CUX1: variants seen among roughly 807,000 people sequenced by gnomAD.
CUX1 encodes cut like homeobox 1.
CUX1 carries 31 observed loss-of-function variants against 158.8 expected under a neutral mutation model. The observed-to-expected ratio is 0.20, with a 90% CI of 0.15 to 0.26. The LOEUF (loss-of-function observed/expected upper bound fraction) is 0.26. Among genes scored for constraint, CUX1 ranks in the 10% least tolerant of loss-of-function variants. The pLI, the probability that CUX1 is intolerant of heterozygous loss-of-function variation, is 1.00. For missense variants in CUX1, 1,589 were observed against 2,014.6 expected, an observed-to-expected ratio of 0.79 and a Z score of 4.04; for synonymous variants, 879 against 862.1, an observed-to-expected ratio of 1.02 and a Z score of -0.34.
chr7:102,151,004 A>G (rs1835587099), intron 8 of CUX1, among the ~76,000 whole-genome samples: 1 of 152,210 alleles, frequency 6.6e-6, no homozygotes. Flanking sequence ...ATTTTAGACC[A>G]ATGTCAGGCT....
chr7:101,893,077 A>T (rs188501456), intron 1 of CUX1, among the ~76,000 whole-genome samples: 63 of 151,134 alleles, frequency 4.2e-4, no homozygotes, highest in African/African-American at 1.4e-3. Flanking sequence ...ATATAATGAA[A>T]TGTTTGTTGA....
chr7:101,854,948 T>C (rs1796622322), intron 1 of CUX1, among the ~76,000 whole-genome samples: 1 of 152,210 alleles, frequency 6.6e-6, no homozygotes, highest in African/African-American at 2.4e-5. Flanking sequence ...TTCACCAGGC[T>C]GGTCTCAAAC....
At chr7:102,208,721 A>G (rs540366783) in intron 20 of CUX1, among the ~76,000 whole-genome samples, 1 of 152,264 alleles carries the variant, frequency 6.6e-6, no homozygotes, top group African/African-American at 2.4e-5. Flanking sequence ...CAGGATTCCG[A>G]TTCCCTGTTC....
chr7:102,151,692 C>CACT (rs1554503631), intron 8 of CUX1, among the ~76,000 whole-genome samples: 1 of 136,096 alleles, frequency 7.3e-6, no homozygotes, highest in Non-Finnish European at 1.5e-5. Flanking sequence ...TGTGCTACTG[C>CACT]ACTCCAGCCT....
At chr7:101,999,007 G>A (rs1458988500) in intron 2 of CUX1, among the ~76,000 whole-genome samples, 1 of 151,974 alleles carries the variant, frequency 6.6e-6, no homozygotes, top group Non-Finnish European at 1.5e-5. Flanking sequence ...AGCTTGCAGA[G>A]GACAGACAGG....
intron 2 of CUX1, among the ~76,000 whole-genome samples, chr7:101,984,785 A>T (rs34659481): frequency 6.6e-6 from 1 of 152,192 alleles, no homozygotes; most frequent in South Asian, 2.1e-4. Flanking sequence ...TTAAAAATAA[A>T]CCGCGCAAGA....
Position 102,248,691 on chromosome 7 carries a change from C to T in CUX1, c.4167C>T (p.Asp1389=). Residue 1389 remains aspartate, a synonymous_variant, in exon 24 of 24, where the codon GAC becomes GAT. Coordinates refer to ENST00000292535, the MANE Select transcript of CUX1 (RefSeq NM_181552.4). This position sits in a 1 kb window ranked among gnomAD's most constrained non-coding sequence, Gnocchi z 5.8. The part of the protein sequence containing the change: ...GTPGPDDARD[D]DHEGGPVEGP... ...CGGGCCCGGACGACGCCCGCGACGA[C>T]GACCACGAGGGAGGCCCCGTGGAAG... 2.4e-6 allele frequency: 3 copies of T among 1,273,628 alleles called. No homozygotes were observed. The highest frequency in any genetic ancestry group is 4.3e-5 in the Admixed American group (1 of 23,474). 78.9% of individuals were successfully genotyped at this position (1,273,628 alleles called of 1,614,324 possible).
intron 9 of CUX1, among the ~76,000 whole-genome samples, chr7:102,165,029 G>A (rs944417183): frequency 1.3e-5 from 2 of 152,120 alleles, no homozygotes; most frequent in Non-Finnish European, 2.9e-5. Flanking sequence ...AAGGGGAGAC[G>A]GTGAGGGTTC....
At chr7:101,856,030 A>T (rs1012018219) in intron 1 of CUX1, among the ~76,000 whole-genome samples, 1 of 151,642 alleles carries the variant, frequency 6.6e-6, no homozygotes, top group Non-Finnish European at 1.5e-5. Flanking sequence ...AAATAAGAAA[A>T]ATTGGCCAGG....
chr7:101,948,092 G>A (rs2129149856), intron 2 of CUX1, among the ~76,000 whole-genome samples: 1 of 152,310 alleles, frequency 6.6e-6, no homozygotes, highest in Non-Finnish European at 1.5e-5. Context: ...CAGGACGCCA[G>A]GCAGCCAGAT....
intron 8 of CUX1, among the ~76,000 whole-genome samples, chr7:102,140,606 T>A (rs1309579833): frequency 6.7e-6 from 1 of 148,898 alleles, no homozygotes; most frequent in Non-Finnish European, 1.5e-5. Flanking sequence ...ACACCTGTAA[T>A]CCCAGCACTT....
At chr7:102,235,752 C>A (rs1799489336) in intron 22 of CUX1, among the ~76,000 whole-genome samples, 1 of 148,052 alleles carries the variant, frequency 6.8e-6, no homozygotes, top group South Asian at 2.2e-4. Context: ...GTGGCTCTGC[C>A]CCAGCCCACC....
intron 4 of CUX1, among the ~76,000 whole-genome samples, chr7:102,085,507 G>C (rs1827869251): frequency 6.6e-6 from 1 of 152,080 alleles, no homozygotes; most frequent in African/African-American, 2.4e-5. Flanking sequence ...TTTATAAGGA[G>C]CTTTTCCCGC....
chr7:102,115,809 T>C (rs1374140202), intron 8 of CUX1: 1 of 152,216 alleles, frequency 6.6e-6, no homozygotes, highest in Non-Finnish European at 1.5e-5. Context: ...ACTACAAGTG[T>C]ACTTTTTACC....
chr7:102,032,008 C>T (rs1414115214), intron 3 of CUX1, among the ~76,000 whole-genome samples: 3 of 151,876 alleles, frequency 2.0e-5, no homozygotes, highest in South Asian at 2.1e-4. Flanking sequence ...TCACTGCAAC[C>T]TCTGCCTCCC....
At chr7:101,827,715 A>G (rs1399726463) in intron 1 of CUX1, among the ~76,000 whole-genome samples, 4 of 152,236 alleles carry the variant, frequency 2.6e-5, no homozygotes, top group Admixed American at 6.5e-5. Flanking sequence ...GTATGTTAAT[A>G]TGTGTGATAT....
chr7:101,987,792 G>A (rs1466783418), intron 2 of CUX1, among the ~76,000 whole-genome samples: 5 of 152,222 alleles, frequency 3.3e-5, no homozygotes, highest in Non-Finnish European at 7.3e-5. Flanking sequence ...GAATTGGTCT[G>A]ACTCCATATT....
At chr7:102,210,445 C>G (rs1322370083) in intron 20 of CUX1, among the ~76,000 whole-genome samples, 33 of 152,068 alleles carry the variant, frequency 2.2e-4, no homozygotes, top group Admixed American at 2.2e-3. Flanking sequence ...TCTCTGTTGC[C>G]AGGGCTGGTC....
intron 8 of CUX1, among the ~76,000 whole-genome samples, chr7:102,131,783 C>CT (rs1833270963): frequency 1.3e-5 from 2 of 151,804 alleles, no homozygotes; most frequent in South Asian, 4.1e-4. Flanking sequence ...AGCAGTTCTC[C>CT]TGCCTCAGCC....
Sources: allele counts gnomAD v4.1 joint callset (sites outside exome capture counted in the v4.1 genomes callset), GRCh38; gene constraint gnomAD v4.1.1; non-coding constraint Gnocchi (gnomAD v3.1); transcripts MANE v1.5; gene names NCBI Gene and HGNC (gene_info 2026-07-23, HGNC 2026-07-21).